EPB41L1: variants seen among roughly 807,000 people sequenced by gnomAD.
EPB41L1 encodes band 4.1-like protein 1.
Under a neutral mutation model 97.8 loss-of-function variants are expected in EPB41L1, and 29 were observed. The observed-to-expected ratio is 0.30, with a 90% confidence interval of 0.22 to 0.40. The LOEUF (loss-of-function observed/expected upper bound fraction) is 0.40, where lower values mean the gene tolerates loss of function less well. Ranked by LOEUF, EPB41L1 falls within the 10% of genes least tolerant of loss-of-function variation. EPB41L1 has a pLI of 1.00. For synonymous variants in EPB41L1, 383 were observed against 459.2 expected (o/e 0.83, Z 2.12); for missense variants, 812 against 1,162.3 (o/e 0.70, Z 4.38).
intron 21 of EPB41L1, among the ~76,000 whole-genome samples, chr20:36,222,984 G>C (rs1439651089): frequency 6.6e-6 from 1 of 152,148 alleles, no homozygotes; most frequent in Non-Finnish European, 1.5e-5. Context: ...GCAACCTCTG[G>C]CTCCTGGGTT....
chr20:36,195,496 C>A lies in EPB41L1; in HGVS notation c.1485+132C>A. 9.3e-7 allele frequency: 1 copy of A among 1,077,254 alleles called. No individual in the cohort carries two copies. The highest frequency in any genetic ancestry group is 1.4e-6 in the Non-Finnish European group (1 of 714,672). The allele number at this position is 1,077,254 out of a possible 1,614,324, so 66.7% of individuals were successfully genotyped here. On this transcript the variant is annotated intron_variant, in intron 13 of 21. Coordinates refer to ENST00000338074, the MANE Select transcript of EPB41L1 (RefSeq NM_012156.2). This position sits in a 1 kb window ranked among gnomAD's most constrained non-coding sequence, Gnocchi z 4.6. ...TTCAACTTCATCTCTGCTCCCCAGC[C>A]ATCCCCCTCTGCAGCCGTCCTTGCT...
intron 9 of EPB41L1, among the ~76,000 whole-genome samples, chr20:36,189,997 C>T (rs1166273722): frequency 2.6e-5 from 4 of 152,030 alleles, no homozygotes; most frequent in Non-Finnish European, 5.9e-5. Flanking sequence ...CCAGCCTAGG[C>T]AACATAGTGA....
At chr20:36,219,904 T>A in intron 19 of EPB41L1, 60 bp downstream of exon 19, 1 of 1,451,038 alleles carries the variant, frequency 6.9e-7, no homozygotes, top group Non-Finnish European at 9.7e-7. Context: ...AGGTCATGAC[T>A]GTTGTTCTGC....
chr20:36,219,680 T>C (rs1359126169), intron 18 of EPB41L1, 81 bp from the exon 19 acceptor site: 2 of 1,232,010 alleles, frequency 1.6e-6, no homozygotes, highest in African/African-American at 1.5e-5. Flanking sequence ...CACAGAGCCC[T>C]TTACCCCACC....
chr20:36,162,380 C>T (rs1226219859), intron 1 of EPB41L1, among the ~76,000 whole-genome samples: 1 of 152,210 alleles, frequency 6.6e-6, no homozygotes, highest in Non-Finnish European at 1.5e-5. Context: ...AGTTGGAGGT[C>T]GTGGGATGTA....
intron 20 of EPB41L1, 75 bp from the exon 21 acceptor site, chr20:36,222,203 G>A: frequency 7.5e-7 from 1 of 1,337,002 alleles, no homozygotes; most frequent in Non-Finnish European, 1.1e-6. Context: ...GTGCACTAGA[G>A]GGCTTGCTGT....
chr20:36,173,639 C>T, intron 1 of EPB41L1, 125 bp from the exon 2 acceptor site: 3 of 864,062 alleles, frequency 3.5e-6, no homozygotes, highest in Non-Finnish European at 5.9e-6. Flanking sequence ...TTCCTCCTCC[C>T]TTTGCCCTGT....
In EPB41L1 at chr20:36,175,651, A is replaced by G. The variant is rs1002994858; in HGVS notation, c.278A>G (p.Lys93Arg). 2.5e-6 allele frequency: 4 copies of G among 1,614,028 alleles called. No homozygotes were observed. Among genetic ancestry groups the G allele is most frequent in the Non-Finnish European group, 2.5e-6 (3 of 1,180,036 alleles). ...AAATCGCCCCAGAAGATTGCCAAGA[A>G]ATACAAGAGTGCCATCTGCCGGGTC... is the stretch of plus-strand genomic sequence containing the variant. ...AQKSPQKIAKKYKSAICRVTL... is the reference protein window; with the variant it reads ...AQKSPQKIAKRYKSAICRVTL... The change falls in exon 3 of 22, where the codon AAA becomes AGA. Residue 93 changes from lysine (K) to arginine (R), a missense_variant. By Grantham distance (26) the Lys-to-Arg change is conservative. Around this residue, in one of 3 missense-constraint regions of EPB41L1, gnomAD observed 230 missense variants for 445.2 expected, o/e 0.52. Transcript: ENST00000338074.
At position 36,177,994 on chromosome 20, in the gene EPB41L1, C is replaced by T. The variant is rs2061322245; in HGVS notation, c.385C>T (p.His129Tyr). ...GGTGCTGTTTGACCTGGTCTGTGAA[C>T]ACCTCAACCTCCTAGAGAAGGACTA... ...GQVLFDLVCEHLNLLEKDYFG... is the reference protein window; with the variant it reads ...GQVLFDLVCEYLNLLEKDYFG... Residue 129 changes from histidine to tyrosine, a missense_variant, in exon 4 of 22, where the codon CAC becomes TAC. Around this residue, in one of 3 missense-constraint regions of EPB41L1, gnomAD observed 230 missense variants for 445.2 expected, o/e 0.52. Transcript: ENST00000338074. 2 of 1,614,192 alleles carry T rather than the reference C, an allele frequency of 1.2e-6. No individual in the cohort carries two copies. Among genetic ancestry groups the T allele is most frequent in the Non-Finnish European group, 1.7e-6 (2 of 1,180,026 alleles).
In EPB41L1 at chr20:36,209,934, G is replaced by A; in HGVS notation, c.2079+36G>A. 6.2e-7 allele frequency: 1 copy of A among 1,607,980 alleles called. No homozygotes were observed. The highest frequency in any genetic ancestry group is 8.5e-7 in the Non-Finnish European group (1 of 1,177,974). On this transcript the variant is annotated intron_variant, in intron 15 of 21. Transcript: ENST00000338074. The surrounding 1 kb of genome is among the most constrained non-coding windows in gnomAD (Gnocchi z 4.2). ...GCTTCCTCAAGAGCCAGGCCCGCTG[G>A]GCACCGCATGCTCAGAGGGCCCTGG...
At chr20:36,175,048 G>A (rs1469366440) in intron 2 of EPB41L1, among the ~76,000 whole-genome samples, 1 of 152,192 alleles carries the variant, frequency 6.6e-6, no homozygotes, top group Admixed American at 6.5e-5. Flanking sequence ...GAGGGGGCAG[G>A]GACTTGGCCA....
At position 36,231,045 on chromosome 20, in the gene EPB41L1, C is replaced by T. The variant is rs1200209037; in HGVS notation, c.*1705C>T. 1 of 152,256 alleles carries T rather than the reference C, an allele frequency of 6.6e-6. No homozygotes were observed. Among genetic ancestry groups the T allele is most frequent in the African/African-American group, 2.4e-5 (1 of 41,434 alleles). 9.4% of individuals were successfully genotyped at this position (152,256 alleles called of 1,614,324 possible). A position where few individuals can be genotyped will look rare whatever the true frequency, so the allele number is the denominator to read the frequency against. The stretch of plus-strand genomic sequence containing the variant: ...TGCAAAGCCCTCCCCTGTCCCAGGA[C>T]AAAGCTGAGACTGACGGGTGATGTT... On this transcript the variant is annotated 3_prime_UTR_variant, in exon 22 of 22. Coordinates refer to ENST00000338074, the MANE Select transcript of EPB41L1 (RefSeq NM_012156.2).
At chr20:36,104,984 A>T (rs2058142978) in intron 1 of EPB41L1, among the ~76,000 whole-genome samples, 1 of 152,242 alleles carries the variant, frequency 6.6e-6, no homozygotes, top group African/African-American at 2.4e-5. Flanking sequence ...GTCTGTTGCT[A>T]GGGTGTGTGC....
At chr20:36,137,180 T>C (rs1010380695) in intron 2 of EPB41L1, among the ~76,000 whole-genome samples, 1 of 151,198 alleles carries the variant, frequency 6.6e-6, no homozygotes, top group African/African-American at 2.4e-5. Context: ...GCTCAAGGGA[T>C]ATTCGCCCCT....
chr20:36,163,176 C>T (rs1422862453), intron 1 of EPB41L1, among the ~76,000 whole-genome samples: 15 of 150,694 alleles, frequency 1.0e-4, no homozygotes, highest in African/African-American at 3.2e-4. Context: ...TTTCTGACTC[C>T]GAAAGTAATA....
At chr20:36,152,263 T>A (rs1234698768), upstream of EPB41L1, 1 of 152,262 alleles carries the variant, frequency 6.6e-6, no homozygotes, top group East Asian at 1.9e-4. Context: ...CCTCATTTTC[T>A]GTGTGGTCTC....
At chr20:36,168,473 C>T (rs2060831395) in intron 1 of EPB41L1, among the ~76,000 whole-genome samples, 1 of 151,948 alleles carries the variant, frequency 6.6e-6, no homozygotes, top group South Asian at 2.1e-4. Context: ...CTTCCCATTA[C>T]TGCTGGTAAT....
chr20:36,172,030 T>C (rs2061012059), intron 1 of EPB41L1, among the ~76,000 whole-genome samples: 1 of 152,210 alleles, frequency 6.6e-6, no homozygotes. Flanking sequence ...CCTACCTTTC[T>C]AAAAAGCCAA....
At chr20:36,125,951 T>C (rs778451922) in intron 2 of EPB41L1, among the ~76,000 whole-genome samples, 16 of 150,266 alleles carry the variant, frequency 1.1e-4, no homozygotes, top group Admixed American at 2.7e-4. Context: ...GTGGGGCCGA[T>C]GGGTCTTGGG....
Sources: gnomAD v4.1 joint callset for allele counts (sites outside exome capture counted in the v4.1 genomes callset) on GRCh38, gnomAD v4.1.1 for gene constraint, gnomAD v4.1.1 regional missense constraint, Gnocchi (gnomAD v3.1) non-coding constraint, MANE v1.5 for transcripts, NCBI Gene and HGNC (gene_info 2026-07-23, HGNC 2026-07-21) for gene names.